Variants in TECTA observed in about 807,000 individuals in gnomAD.
The protein encoded by TECTA is alpha-tectorin.
Under a neutral mutation model 216.8 loss-of-function variants are expected in TECTA, and 128 were observed. The observed-to-expected ratio is 0.59, with a 90% CI of 0.51 to 0.68. The LOEUF is 0.68. Among genes scored for constraint, TECTA ranks in the 30% least tolerant of loss-of-function variants. The pLI, the probability that TECTA is intolerant of heterozygous loss-of-function variation, is 0.00. For synonymous variants in TECTA, 1,089 were observed against 1,117.1 expected (o/e 0.97, Z 0.50); for missense variants, 2,551 against 2,786.2 (o/e 0.92, Z 1.90).
chr11:121,129,896 G>C lies in TECTA; in HGVS notation c.2626G>C (p.Glu876Gln), dbSNP rs756488692. 3.1e-6 allele frequency: 5 copies of C among 1,614,024 alleles called. No individual in the cohort carries two copies. In the African/African-American group the frequency reaches 6.7e-5, roughly 22 times the overall value. ...KCTDNLAVFL[E>Q]SWTTFEEICN... ...CACGGACAACCTGGCAGTGTTCCTG[G>C]AAAGCTGGACAACTTTCGAGGAGAT... The change falls in exon 10 of 24, where the codon GAA becomes CAA. Residue 876 changes from glutamate to glutamine, a missense_variant. Physicochemically the swap from Glu to Gln is conservative, Grantham distance 29. Around this residue, in one of 3 missense-constraint regions of TECTA, gnomAD observed 2,375 missense variants for 2,563.9 expected, o/e 0.93. Coordinates refer to ENST00000392793, the MANE Select transcript of TECTA (RefSeq NM_005422.4).
intron 11 of TECTA, among the ~76,000 whole-genome samples, chr11:121,139,167 G>T (rs957065171): frequency 2.6e-5 from 4 of 152,138 alleles, no homozygotes; most frequent in African/African-American, 7.2e-5. Context: ...TCCCTTGCTT[G>T]CACACCACAA....
At chr11:121,131,299 T>C (rs772947566) in intron 10 of TECTA, among the ~76,000 whole-genome samples, 2 of 152,028 alleles carry the variant, frequency 1.3e-5, no homozygotes, top group Non-Finnish European at 2.9e-5. Flanking sequence ...ATTTTTTAAT[T>C]TGAAATAATT....
intron 14 of TECTA, among the ~76,000 whole-genome samples, chr11:121,159,642 G>A (rs976834773): frequency 5.9e-5 from 9 of 152,164 alleles, no homozygotes; most frequent in African/African-American, 1.9e-4. Context: ...GCAAGAAAAC[G>A]ATAAATATGG....
chr11:121,108,250 G>A (rs1016407191), intron 3 of TECTA, among the ~76,000 whole-genome samples: 4 of 151,436 alleles, frequency 2.6e-5, no homozygotes, highest in Admixed American at 2.0e-4. Flanking sequence ...TCCCTGTCTG[G>A]CCCAGCACAT....
intron 20 of TECTA, 143 bp downstream of exon 20, chr11:121,169,068 T>C (rs1050045811): frequency 3.9e-5 from 51 of 1,307,912 alleles, no homozygotes; most frequent in Middle Eastern, 2.6e-4. Flanking sequence ...CATCTAATTC[T>C]CAAGACAACC....
chr11:121,139,034 G>A (rs535750754), intron 11 of TECTA, among the ~76,000 whole-genome samples: 5 of 152,196 alleles, frequency 3.3e-5, no homozygotes, highest in Middle Eastern at 3.4e-3. Flanking sequence ...TTCCTGCCTC[G>A]GGATTTCCTC....
chr11:121,171,061 G>T (rs889668129), intron 20 of TECTA, among the ~76,000 whole-genome samples: 2 of 152,092 alleles, frequency 1.3e-5, no homozygotes, highest in Non-Finnish European at 2.9e-5. Context: ...ATAGTTTCTG[G>T]TTGCACATTT....
chr11:121,184,772 T>C lies in TECTA; in HGVS notation c.6000-3060T>C, dbSNP rs1052274651. Among the ~76,000 whole-genome samples, 6 of 152,208 alleles carry C rather than the reference T, an allele frequency of 3.9e-5. 1 individual carries two copies. Among genetic ancestry groups the C allele is most frequent in the Non-Finnish European group, 8.8e-5 (6 of 68,032 alleles). On this transcript the variant is annotated intron_variant, in intron 20 of 23. Coordinates refer to ENST00000392793, the MANE Select transcript of TECTA (RefSeq NM_005422.4). ...AATGGCATGGGTTGCTGAGGTGTAC[T>C]GTGGAATTTTCAGCAAAGACCTCAC...
In TECTA at chr11:121,113,885, C is replaced by G. The variant is rs1466496122; in HGVS notation, c.790+167C>G. Among the ~76,000 whole-genome samples the G allele has an allele frequency of 2.6e-5, 4 of 152,172 alleles. No homozygotes were observed. Among genetic ancestry groups the G allele is most frequent in the Admixed American group, 6.5e-5 (1 of 15,274 alleles). Reference sequence around the variant, plus strand: ...ATTTTAGCATGTGCATTCATCACATCAGAAGCTAAAACACTGCATTCACTA... The same window carrying G: ...ATTTTAGCATGTGCATTCATCACATGAGAAGCTAAAACACTGCATTCACTA... On this transcript the variant is annotated intron_variant, in intron 6 of 23. Coordinates refer to ENST00000392793, the MANE Select transcript of TECTA (RefSeq NM_005422.4). The surrounding 1 kb of genome is among the most constrained non-coding windows in gnomAD (Gnocchi z 4.2).
In TECTA at chr11:121,125,771, G is replaced by A; in HGVS notation, c.1673G>A (p.Arg558Lys). The part of the protein sequence containing the change: ...HSCVYDLCSV[R>K]DNGTLLCQAI... ...TGCGTGTATGACCTGTGCAGTGTGA[G>A]GGACAATGGCACGCTCCTCTGCCAA... Residue 558 changes from arginine (R) to lysine (K), a missense_variant, in exon 8 of 24, where the codon AGG becomes AAG. Physicochemically the swap from Arg to Lys is conservative, Grantham distance 26 (BLOSUM62 2). Transcript: ENST00000392793. The A allele has an allele frequency of 6.2e-7, 1 of 1,614,180 alleles. No homozygotes were observed. Among genetic ancestry groups the A allele is most frequent in the Non-Finnish European group, 8.5e-7 (1 of 1,180,044 alleles).
chr11:121,163,624 A>T (rs1301546616), intron 16 of TECTA, among the ~76,000 whole-genome samples: 1 of 152,198 alleles, frequency 6.6e-6, no homozygotes, highest in Non-Finnish European at 1.5e-5. Context: ...GAATAAGAAT[A>T]CTTTCAATGA....
At position 121,130,154 on chromosome 11, in the gene TECTA, A is replaced by G. The variant is rs755131410; in HGVS notation, c.2884A>G (p.Ser962Gly). ...ELCDSVARYA[S>G]ACKNADVEVG... The stretch of plus-strand genomic sequence containing the variant: ...CTGTGACTCTGTGGCCCGGTATGCA[A>G]GCGCCTGCAAGAATGCGGACGTGGA... Residue 962 changes from serine to glycine, a missense_variant, in exon 10 of 24, where the codon AGC becomes GGC. Coordinates refer to ENST00000392793, the MANE Select transcript of TECTA (RefSeq NM_005422.4). 6.2e-7 allele frequency: 1 copy of G among 1,607,520 alleles called. No individual in the cohort carries two copies. The highest frequency in any genetic ancestry group is 1.1e-5 in the South Asian group (1 of 91,080).
chr11:121,131,425 C>G (rs1946674050), intron 10 of TECTA, among the ~76,000 whole-genome samples: 1 of 152,136 alleles, frequency 6.6e-6, no homozygotes, highest in African/African-American at 2.4e-5. Context: ...TATACTCACT[C>G]TTTTTCTAAA....
Position 121,187,754 on chromosome 11 carries a change from A to G in TECTA, c.6000-78A>G, listed in dbSNP as rs576353287. Reference sequence around the variant, plus strand: ...TATGGTGGTTTTATGTGAAAAGTGAAATTTTGAACTGAAGGTGAGGATTAA... The same window carrying G: ...TATGGTGGTTTTATGTGAAAAGTGAGATTTTGAACTGAAGGTGAGGATTAA... On this transcript the variant is annotated intron_variant, in intron 20 of 23. Transcript: ENST00000392793. 9.7e-6 allele frequency: 15 copies of G among 1,553,708 alleles called. 1 individual carries two copies. In the South Asian group the frequency reaches 1.6e-4, roughly 16 times the overall value.
intron 16 of TECTA, among the ~76,000 whole-genome samples, chr11:121,163,943 G>A (rs965259674): frequency 6.6e-6 from 1 of 152,226 alleles, no homozygotes; most frequent in Non-Finnish European, 1.5e-5. Flanking sequence ...TTATAAAAGA[G>A]AGCTTTTTGA....
chr11:121,145,546 C>T lies in TECTA; in HGVS notation c.3544-9C>T. The T allele has an allele frequency of 6.2e-7, 1 of 1,614,162 alleles. No homozygotes were observed. The highest frequency in any genetic ancestry group is 8.5e-7 in the Non-Finnish European group (1 of 1,179,996). ...ACTGTGTTTCTCCACCTCATCTCTCCTCTTACAGGTCAACAGTGAACGGCT... is the reference window on the plus strand; with the variant it reads ...ACTGTGTTTCTCCACCTCATCTCTCTTCTTACAGGTCAACAGTGAACGGCT... On this transcript the variant is annotated splice_polypyrimidine_tract_variant and intron_variant, in intron 11 of 23. Coordinates refer to ENST00000392793, the MANE Select transcript of TECTA (RefSeq NM_005422.4).
At chr11:121,125,179 G>C in intron 7 of TECTA, 123 bp from the exon 8 acceptor site, 1 of 1,012,506 alleles carries the variant, frequency 9.9e-7, no homozygotes, top group Non-Finnish European at 1.5e-6. Flanking sequence ...CTGGAGCCTG[G>C]ACCGTTTAGG....
intron 14 of TECTA, among the ~76,000 whole-genome samples, chr11:121,159,190 T>C (rs1158366853): frequency 6.6e-6 from 1 of 152,246 alleles, no homozygotes; most frequent in African/African-American, 2.4e-5. Flanking sequence ...CAGCAGTATT[T>C]TGTGAGCTTA....
In TECTA at chr11:121,127,824, A is replaced by C. The variant is rs757515232; in HGVS notation, c.1847A>C (p.Asp616Ala). 1 of 1,614,094 alleles carries C rather than the reference A, an allele frequency of 6.2e-7. No individual in the cohort carries two copies. Among genetic ancestry groups the C allele is most frequent in the Non-Finnish European group, 8.5e-7 (1 of 1,180,028 alleles). ...AGCAGCTGCCCCGACACATGCTCCG[A>C]CCTGACGGCCTCGCGGAACTGCGCC... Reference protein sequence around the residue: ...CTSSCPDTCSDLTASRNCATP... With the variant: ...CTSSCPDTCSALTASRNCATP... Residue 616 changes from aspartate to alanine, a missense_variant, in exon 9 of 24, where the codon GAC (aspartate) becomes GCC (alanine). This residue lies in a region of TECTA where 2,375 missense variants were observed against 2,563.9 expected (regional missense o/e 0.93). Coordinates refer to ENST00000392793, the MANE Select transcript of TECTA (RefSeq NM_005422.4). The surrounding 1 kb of genome is among the most constrained non-coding windows in gnomAD (Gnocchi z 5.0).
Sources: allele counts gnomAD v4.1 joint callset (sites outside exome capture counted in the v4.1 genomes callset), GRCh38; gene constraint gnomAD v4.1.1; regional missense constraint gnomAD v4.1.1; non-coding constraint Gnocchi (gnomAD v3.1); transcripts MANE v1.5; gene names NCBI Gene and HGNC (gene_info 2026-07-23, HGNC 2026-07-21).